MYH14: variants seen among roughly 807,000 people sequenced by gnomAD.
The protein encoded by MYH14 is myosin-14.
A neutral mutation model predicts 255.5 loss-of-function variants in MYH14; 123 were observed. The observed-to-expected ratio is 0.48, with a 90% CI of 0.42 to 0.56. The LOEUF is 0.56. MYH14 is among the 20% of genes least tolerant of loss of function. The pLI, the probability that MYH14 is intolerant of heterozygous loss-of-function variation, is 0.00. For synonymous variants in MYH14, 1,095 were observed against 1,161.2 expected, an observed-to-expected ratio of 0.94 and a Z score of 1.16; for missense variants, 2,423 against 2,802.3, an observed-to-expected ratio of 0.86 and a Z score of 3.06.
At chr19:50,208,544 C>A (rs77162946) in intron 1 of MYH14, among the ~76,000 whole-genome samples, 5,300 of 152,100 alleles carry the variant, frequency 0.035, 193 homozygotes, top group Admixed American at 0.096. Flanking sequence ...AAAACAAAAA[C>A]CATACTATCT....
rs113618588 is a variant in MYH14 at position 50,237,327 on chromosome 19, A to ATTT, written c.1114+5270_1114+5272dup. ...TCCCTACCCCAACTCAGGTGTGAAC[A>ATTT]TTTTTTTTTTTTTTTGAGACAGAGT... On this transcript the variant is annotated intron_variant, in intron 10 of 42. Transcript: ENST00000642316. 2.9e-3 allele frequency among the ~76,000 whole-genome samples: 416 copies of ATTT among 142,470 alleles called. 2 individuals are homozygous for ATTT. Among genetic ancestry groups the ATTT allele is most frequent in the African/African-American group, 8.7e-3 (338 of 38,796 alleles). The allele number at this position is 142,470 out of a possible 152,430, so 93.5% of individuals were successfully genotyped here. A position where few individuals can be genotyped will look rare whatever the true frequency, so the allele number is the denominator to read the frequency against.
Position 50,223,311 on chromosome 19 carries a change from G to T in MYH14, c.655G>T (p.Ala219Ser). 2 of 1,597,708 alleles carry T rather than the reference G, an allele frequency of 1.3e-6. No individual in the cohort carries two copies. The highest frequency in any genetic ancestry group is 1.7e-6 in the Non-Finnish European group (2 of 1,172,216). Reference sequence around the variant, plus strand: ...GGTCATCCAGTACCTCGCCCACGTGGCGTCGTCTCCAAAGGGCAGGAAGGA... The same window carrying T: ...GGTCATCCAGTACCTCGCCCACGTGTCGTCGTCTCCAAAGGGCAGGAAGGA... ...KKVIQYLAHV[A>S]SSPKGRKEPG... Residue 219 changes from alanine to serine, a missense_variant, in exon 5 of 43, where the codon GCG becomes TCG. By Grantham distance (99) the Ala-to-Ser change is moderately conservative. This residue lies in a region of MYH14 where 672 missense variants were observed against 881.8 expected (regional missense o/e 0.76). Coordinates refer to ENST00000642316, the MANE Select transcript of MYH14 (RefSeq NM_001145809.2).
At chr19:50,259,398 A>AT in intron 19 of MYH14, 133 bp downstream of exon 19, 1 of 1,226,684 alleles carries the variant, frequency 8.2e-7, no homozygotes, top group South Asian at 1.5e-5. Flanking sequence ...CAGATTACTC[A>AT]CTTTGCTGAG....
At position 50,217,627 on chromosome 19, in the gene MYH14, C is replaced by A. The variant is rs1568467464; in HGVS notation, c.418C>A (p.Leu140Ile). ...YSGLIYTYSG[L>I]FCVVINPYKQ... ...TCACCCACTGCAGACGTACTCCGGC[C>A]TTTTCTGTGTGGTCATCAACCCGTA... The change falls in exon 3 of 43, where the codon CTT becomes ATT. Residue 140 changes from leucine (L) to isoleucine (I), a missense_variant. Leu to Ile is a conservative substitution (Grantham distance 5). Coordinates refer to ENST00000642316, the MANE Select transcript of MYH14 (RefSeq NM_001145809.2). The A allele has an allele frequency of 6.2e-7, 1 of 1,614,046 alleles. No individual in the cohort carries two copies. The highest frequency in any genetic ancestry group is 8.5e-7 in the Non-Finnish European group (1 of 1,179,910).
chr19:50,250,671 C>G lies in MYH14; in HGVS notation c.1813C>G (p.Leu605Val), dbSNP rs1442021087. 10 of 1,612,670 alleles carry G rather than the reference C, an allele frequency of 6.2e-6. No homozygotes were observed. Among genetic ancestry groups the G allele is most frequent in the Non-Finnish European group, 8.5e-6 (10 of 1,178,826 alleles). ...GCGGGATCAGGCCGACTTCAGTGTTCTCCACTACGCGGGCAAGGTAGGGGC... is the reference window on the plus strand; with the variant it reads ...GCGGGATCAGGCCGACTTCAGTGTTGTCCACTACGCGGGCAAGGTAGGGGC... ...HLRDQADFSV[L>V]HYAGKVDYKA... The change falls in exon 15 of 43, where the codon CTC becomes GTC. Residue 605 changes from leucine to valine, a missense_variant. Physicochemically the swap from Leu to Val is conservative, Grantham distance 32 (BLOSUM62 1). Coordinates refer to ENST00000642316, the MANE Select transcript of MYH14 (RefSeq NM_001145809.2). This position sits in a 1 kb window ranked among gnomAD's most constrained non-coding sequence, Gnocchi z 5.4.
chr19:50,207,297 G>GAGAGAGAGAGAGAA (rs1568458494), intron 1 of MYH14, among the ~76,000 whole-genome samples: 4 of 150,192 alleles, frequency 2.7e-5, no homozygotes, highest in African/African-American at 9.8e-5. Flanking sequence ...GAGAGAGAGA[G>GAGAGAGAGAGAGAA]AGAGAGAGAG....
chr19:50,309,559 C>T (rs990478692), intron 42 of MYH14, 81 bp from the exon 43 acceptor site: 5 of 891,562 alleles, frequency 5.6e-6, no homozygotes, highest in Non-Finnish European at 8.9e-6. Context: ...CTCTCCCCCT[C>T]ATCTCTCTCT....
At chr19:50,301,895 G>A (rs1024900088) in intron 40 of MYH14, 26 bp downstream of exon 40, 1 of 1,560,838 alleles carries the variant, frequency 6.4e-7, no homozygotes, top group Non-Finnish European at 8.8e-7. Context: ...GGCCACAGGA[G>A]AAAGGTGACC....
Position 50,309,169 on chromosome 19 carries a change from C to G in MYH14, c.5952C>G (p.Asn1984Lys). 1 of 1,613,750 alleles carries G rather than the reference C, an allele frequency of 6.2e-7. No individual in the cohort carries two copies. Reference protein sequence around the residue: ...SMNREVTTLRNRLRRGPLTFT... With the variant: ...SMNREVTTLRKRLRRGPLTFT... ...ACCGTGAAGTGACCACACTGAGGAA[C>G]CGGCTTCGGTATGGTCATCCCACGT... is the stretch of plus-strand genomic sequence containing the variant. The change falls in exon 42 of 43, where the codon AAC (asparagine) becomes AAG (lysine). Residue 1984 changes from asparagine to lysine, a missense_variant. By Grantham distance (94) the Asn-to-Lys change is moderately conservative. Coordinates refer to ENST00000642316, the MANE Select transcript of MYH14 (RefSeq NM_001145809.2).
chr19:50,270,497 G>C (rs1228887091), intron 24 of MYH14, among the ~76,000 whole-genome samples: 1 of 145,838 alleles, frequency 6.9e-6, no homozygotes, highest in African/African-American at 2.5e-5. Context: ...CTCCAGCCTG[G>C]GCAACAAGAG....
intron 27 of MYH14, among the ~76,000 whole-genome samples, chr19:50,274,925 T>G: frequency 7.4e-6 from 1 of 135,722 alleles, no homozygotes; most frequent in East Asian, 2.1e-4. Flanking sequence ...AACGAGACCC[T>G]CTCTCTCAAA....
At position 50,276,627 on chromosome 19, in the gene MYH14, C is replaced by T. The variant is rs1601004401; in HGVS notation, c.3681-130C>T. ...CCTTCCACAGCATCACCACCCAGATCTCCTGAGGAGCATAACATGAGGCCC... is the reference window on the plus strand; with the variant it reads ...CCTTCCACAGCATCACCACCCAGATTTCCTGAGGAGCATAACATGAGGCCC... On this transcript the variant is annotated intron_variant, in intron 28 of 42. Coordinates refer to ENST00000642316, the MANE Select transcript of MYH14 (RefSeq NM_001145809.2). The surrounding 1 kb of genome is among the most constrained non-coding windows in gnomAD (Gnocchi z 4.3). 3.4e-6 allele frequency: 4 copies of T among 1,180,906 alleles called. No homozygotes were observed. In the East Asian group the frequency reaches 9.5e-5, roughly 28 times the overall value. 73.2% of individuals were successfully genotyped at this position (1,180,906 alleles called of 1,614,324 possible).
At chr19:50,283,898 C>A (rs1200206593) in intron 33 of MYH14, among the ~76,000 whole-genome samples, 1 of 152,036 alleles carries the variant, frequency 6.6e-6, no homozygotes, top group African/African-American at 2.4e-5. Context: ...CATGGAGAAA[C>A]CCCGTCTCTA....
rs193190145 is a variant in MYH14 at position 50,286,409 on chromosome 19, C to T, written c.4540-73C>T. ...TCTCTTTCTCTGTTCCTGGCTGCTC[C>T]CTCTTCCCGTTCCCTTGTACACTCC... On this transcript the variant is annotated intron_variant, in intron 33 of 42. Coordinates refer to ENST00000642316, the MANE Select transcript of MYH14 (RefSeq NM_001145809.2). The T allele has an allele frequency of 3.6e-6, 5 of 1,385,246 alleles. No individual in the cohort carries two copies. In the African/African-American group the frequency reaches 5.7e-5, roughly 16 times the overall value. 85.8% of individuals were successfully genotyped at this position (1,385,246 alleles called of 1,614,324 possible). A position where few individuals can be genotyped will look rare whatever the true frequency, so the allele number is the denominator to read the frequency against.
chr19:50,222,911 AG>A (rs1408918571), intron 3 of MYH14, among the ~76,000 whole-genome samples, 171 bp from the exon 4 acceptor site: 2 of 152,206 alleles, frequency 1.3e-5, no homozygotes, highest in Non-Finnish European at 2.9e-5. Flanking sequence ...CACAGCGAGC[AG>A]GGGGCTGAGC....
chr19:50,213,707 G>A (rs1374567336), intron 2 of MYH14, among the ~76,000 whole-genome samples: 2 of 152,212 alleles, frequency 1.3e-5, no homozygotes, highest in East Asian at 3.8e-4. Flanking sequence ...AAGGTTGTGA[G>A]GTAGGGATTA....
At chr19:50,287,464 G>A (rs745431617) in intron 34 of MYH14, among the ~76,000 whole-genome samples, 12 of 152,042 alleles carry the variant, frequency 7.9e-5, no homozygotes, top group Non-Finnish European at 1.8e-4. Context: ...CCAGGCTGGA[G>A]GGCAGTGGTG....
chr19:50,272,750 T>C lies in MYH14; in HGVS notation c.3467+19T>C. 6.5e-7 allele frequency: 1 copy of C among 1,548,506 alleles called. No individual in the cohort carries two copies. ...TGGCCAGGTGCAGGGTGGGGTGGGCTTGGTGGGGTAAGCAGCATGGGTGCA... is the reference window on the plus strand; with the variant it reads ...TGGCCAGGTGCAGGGTGGGGTGGGCCTGGTGGGGTAAGCAGCATGGGTGCA... On this transcript the variant is annotated intron_variant, in intron 27 of 42. Coordinates refer to ENST00000642316, the MANE Select transcript of MYH14 (RefSeq NM_001145809.2).
At chr19:50,286,385 C>G (rs531471523) in intron 33 of MYH14, 97 bp from the exon 34 acceptor site, 1 of 1,201,822 alleles carries the variant, frequency 8.3e-7, no homozygotes, top group East Asian at 2.6e-5. Flanking sequence ...CTCTTTCTCT[C>G]TCTTTCTCTG....
Sources: gnomAD v4.1 joint callset for allele counts (sites outside exome capture counted in the v4.1 genomes callset) on GRCh38, gnomAD v4.1.1 for gene constraint, gnomAD v4.1.1 regional missense constraint, Gnocchi (gnomAD v3.1) non-coding constraint, MANE v1.5 for transcripts, NCBI Gene and HGNC (gene_info 2026-07-23, HGNC 2026-07-21) for gene names.